The following FSIP2 variants were observed in gnomAD, a reference collection of about 807,000 sequenced individuals.
The protein encoded by FSIP2 is fibrous sheath-interacting protein 2.
In FSIP2, 367 loss-of-function variants were observed where a neutral mutation model predicts 510.5. The ratio of observed to expected loss-of-function variants is 0.72; its 90% CI spans 0.66 to 0.78. The LOEUF (loss-of-function observed/expected upper bound fraction) is 0.78, where lower values mean the gene tolerates loss of function less well. FSIP2 is among the 30% of genes least tolerant of loss of function. FSIP2 has a pLI of 0.00. For synonymous variants in FSIP2, 2,601 were observed against 2,732.2 expected (o/e 0.95, Z 1.50); for missense variants, 7,594 against 7,901.7 (o/e 0.96, Z 1.48).
chr2:185,766,211 A>T (rs1692473662), intron 13 of FSIP2: 1 of 151,734 alleles, frequency 6.6e-6, no homozygotes, highest in Non-Finnish European at 1.5e-5. Flanking sequence ...AACCATAAAA[A>T]CCCTAGAAGA....
chr2:185,745,207 T>G, intron 4 of FSIP2: 1 of 303,400 alleles, frequency 3.3e-6, no homozygotes, highest in Non-Finnish European at 5.9e-6. Context: ...TTTATTTAAC[T>G]TATTTAGAAT....
chr2:185,788,476 T>C (rs1693039846), intron 15 of FSIP2, among the ~76,000 whole-genome samples, 167 bp from the exon 16 acceptor site: 1 of 151,760 alleles, frequency 6.6e-6, no homozygotes, highest in African/African-American at 2.4e-5. Flanking sequence ...AAATTCATCT[T>C]AAATTCTAAA....
chr2:185,768,251 CA>C (rs1465429893), intron 13 of FSIP2, among the ~76,000 whole-genome samples: 1 of 152,008 alleles, frequency 6.6e-6, no homozygotes, highest in Non-Finnish European at 1.5e-5. Context: ...TACAGCAATG[CA>C]AAAACTTTTT....
At position 185,800,110 on chromosome 2, in the gene FSIP2, G is replaced by A. The variant is rs756938240; in HGVS notation, c.10804G>A (p.Asp3602Asn). 1.0e-4 allele frequency: 154 copies of A among 1,533,828 alleles called. No homozygotes were observed. The highest frequency in any genetic ancestry group is 1.3e-4 in the Non-Finnish European group (152 of 1,145,542). ...AGGAATAGTTTCTGGTGGCTTTGAT[G>A]ACCTCTTTCAGGATCTCTTAGTAGG... ...CPGIVSGGFD[D>N]LFQDLLVGVI... is the part of the protein sequence containing the mutation. Residue 3602 changes from aspartate (D) to asparagine (N), a missense_variant, in exon 17 of 23, where the codon GAC (aspartate) becomes AAC (asparagine). Physicochemically the swap from Asp to Asn is conservative, Grantham distance 23. Coordinates refer to ENST00000424728, the MANE Select transcript of FSIP2 (RefSeq NM_173651.4).
In FSIP2 at chr2:185,789,674, A is replaced by G; in HGVS notation, c.2538A>G (p.Lys846=). The G allele has an allele frequency of 6.5e-7, 1 of 1,534,070 alleles. No homozygotes were observed. The highest frequency in any genetic ancestry group is 8.7e-7 in the Non-Finnish European group (1 of 1,145,672). The change falls in exon 16 of 23, where the codon AAA becomes AAG. Residue 846 remains lysine (K), a synonymous_variant. Coordinates refer to ENST00000424728, the MANE Select transcript of FSIP2 (RefSeq NM_173651.4). Reference sequence around the variant, plus strand: ...AGCAAAATGAATTTCTTCATCTTAAAGACACAAATAAGCTTTCCTGCCAGC... The same window carrying G: ...AGCAAAATGAATTTCTTCATCTTAAGGACACAAATAAGCTTTCCTGCCAGC... The part of the protein sequence containing the change: ...SFKQNEFLHL[K]DTNKLSCQQH...
intron 19 of FSIP2, among the ~76,000 whole-genome samples, chr2:185,821,256 C>T (rs2161034): frequency 0.54 from 82,543 of 151,506 alleles, 22,726 homozygotes; most frequent in South Asian, 0.64. Flanking sequence ...TTATGCTAAA[C>T]TATAGTGAAC....
At position 185,790,159 on chromosome 2, in the gene FSIP2, T is replaced by G. The variant is rs776233583; in HGVS notation, c.3023T>G (p.Ile1008Arg). The change falls in exon 16 of 23, where the codon ATA becomes AGA. Residue 1008 changes from isoleucine (I) to arginine (R), a missense_variant. By Grantham distance (97) the Ile-to-Arg change is moderately conservative. Transcript: ENST00000424728. ...TATTCTGATGATGAAAATGAGGAAA[T>G]AGACAATATTGTAAAAAATGTGCTT... ...VLYSDDENEE[I>R]DNIVKNVLDS... The G allele has an allele frequency of 6.5e-7, 1 of 1,532,210 alleles. No homozygotes were observed. The highest frequency in any genetic ancestry group is 1.4e-5 in the African/African-American group (1 of 72,764). 94.9% of individuals were successfully genotyped at this position (1,532,210 alleles called of 1,614,324 possible). A position where few individuals can be genotyped will look rare whatever the true frequency, so the allele number is the denominator to read the frequency against.
rs767346596 is a variant in FSIP2 at position 185,807,189 on chromosome 2, G to C, written c.17883G>C (p.Gln5961His). 1 of 1,602,098 alleles carries C rather than the reference G, an allele frequency of 6.2e-7. No homozygotes were observed. Among genetic ancestry groups the C allele is most frequent in the South Asian group, 1.1e-5 (1 of 88,248 alleles). ...SAVINEIFQR[Q>H]VNLIFCDEVS... is the part of the protein sequence containing the mutation. Reference sequence around the variant, plus strand: ...TGATAAATGAAATTTTCCAACGTCAGGTTAACTTGATATTTTGTGATGAGG... The same window carrying C: ...TGATAAATGAAATTTTCCAACGTCACGTTAACTTGATATTTTGTGATGAGG... Residue 5961 changes from glutamine (Q) to histidine (H), a missense_variant, in exon 17 of 23, where the codon CAG becomes CAC. Physicochemically the swap from Gln to His is conservative, Grantham distance 24. Coordinates refer to ENST00000424728, the MANE Select transcript of FSIP2 (RefSeq NM_173651.4).
At chr2:185,827,316 G>A (rs17230551) in intron 20 of FSIP2, among the ~76,000 whole-genome samples, 47,546 of 151,488 alleles carry the variant, frequency 0.31, 7,777 homozygotes, top group Middle Eastern at 0.4. Context: ...TATTGCTTGT[G>A]TTGGTTCTTG....
At position 185,819,641 on chromosome 2, in the gene FSIP2, A is replaced by AT. The variant is rs200310089; in HGVS notation, c.20426+4177dup. On this transcript the variant is annotated intron_variant, in intron 19 of 22. Coordinates refer to ENST00000424728, the MANE Select transcript of FSIP2 (RefSeq NM_173651.4). The stretch of plus-strand genomic sequence containing the variant: ...CAGCTTAATGAAAATTTGACTTACA[A>AT]TTTTTTTAACTTTATGACAGTGTGA... Among the ~76,000 whole-genome samples the AT allele has an allele frequency of 8.7e-3, 1,315 of 151,930 alleles. 19 individuals carry two copies. Among genetic ancestry groups the AT allele is most frequent in the African/African-American group, 0.029 (1,224 of 41,500 alleles).
chr2:185,773,287 C>T (rs1388281971), intron 13 of FSIP2, among the ~76,000 whole-genome samples: 1 of 152,168 alleles, frequency 6.6e-6, no homozygotes, highest in Non-Finnish European at 1.5e-5. Context: ...TCTTGGTCAG[C>T]ACTATTTTTC....
At position 185,806,019 on chromosome 2, in the gene FSIP2, T is replaced by C. The variant is rs1456394891; in HGVS notation, c.16713T>C (p.Ile5571=). 5.1e-6 allele frequency: 8 copies of C among 1,555,630 alleles called. No homozygotes were observed. In the Admixed American group the frequency reaches 1.2e-4, roughly 24 times the overall value. Residue 5571 remains isoleucine, a synonymous_variant, in exon 17 of 23, where the codon ATT becomes ATC. Transcript: ENST00000424728. The part of the protein sequence containing the change: ...NNEIEKKRNL[I]PTDKKGKDDE... The stretch of plus-strand genomic sequence containing the variant: ...AAATTGAGAAGAAAAGAAATTTAAT[T>C]CCAACAGATAAAAAAGGGAAAGATG...
Position 185,746,585 on chromosome 2 carries a change from G to A in FSIP2, c.618-84G>A. On this transcript the variant is annotated intron_variant, in intron 5 of 22. Coordinates refer to ENST00000424728, the MANE Select transcript of FSIP2 (RefSeq NM_173651.4). Reference sequence around the variant, plus strand: ...CAAGAAATGAAAGGCAAGCAAGGAAGTGGTTTGGGAATGGCATAGCAGATG... The same window carrying A: ...CAAGAAATGAAAGGCAAGCAAGGAAATGGTTTGGGAATGGCATAGCAGATG... 5 of 1,010,244 alleles carry A rather than the reference G, an allele frequency of 4.9e-6. No homozygotes were observed. The South Asian group carries it at 8.7e-5, about 17-fold the overall frequency. The allele number at this position is 1,010,244 out of a possible 1,614,324, so 62.6% of individuals were successfully genotyped here.
At chr2:185,833,015 A>G (rs1015760158) in intron 22 of FSIP2, 75 bp from the exon 23 acceptor site, 4 of 1,356,042 alleles carry the variant, frequency 2.9e-6, no homozygotes, top group Non-Finnish European at 4.2e-6. Flanking sequence ...TTTTACTCAT[A>G]TGACCTTAGG....
upstream of FSIP2, among the ~76,000 whole-genome samples, chr2:185,737,525 G>A (rs544709281): frequency 2.6e-5 from 4 of 152,260 alleles, no homozygotes; most frequent in African/African-American, 9.6e-5. Context: ...GATAGAATCG[G>A]GCAAATTAAT....
rs2105636578 is a variant in FSIP2 at position 185,800,256 on chromosome 2, A to G, written c.10950A>G (p.Arg3650=). 6.5e-7 allele frequency: 1 copy of G among 1,533,054 alleles called. No individual in the cohort carries two copies. Among genetic ancestry groups the G allele is most frequent in the African/African-American group, 1.4e-5 (1 of 72,884 alleles). The allele number at this position is 1,533,054 out of a possible 1,614,324, so 95.0% of individuals were successfully genotyped here. ...TACCCCTTTGCAACAAAATCAATAGACAGGCAAGCCCCAGAGACTGGCAAT... is the reference window on the plus strand; with the variant it reads ...TACCCCTTTGCAACAAAATCAATAGGCAGGCAAGCCCCAGAGACTGGCAAT... ...NSVPLCNKIN[R]QASPRDWQFS... Residue 3650 remains arginine, a synonymous_variant, in exon 17 of 23, where the codon AGA becomes AGG. Coordinates refer to ENST00000424728, the MANE Select transcript of FSIP2 (RefSeq NM_173651.4).
rs1344951105 is a variant in FSIP2, at chr2:185,790,040, CAAAGA to C, written c.2909_2913del (p.Glu970ValfsTer7). On this transcript the variant is annotated frameshift_variant, in exon 16 of 23. Coordinates refer to ENST00000424728, the MANE Select transcript of FSIP2 (RefSeq NM_173651.4). LOFTEE classifies it high-confidence loss of function. ...CTAGAATAAGTAGTCCTTCTGACAC[CAAAGA>C]AAAGTACAGACTCACTGGCACTAGA... 1 of 1,533,198 alleles carries C rather than the reference CAAAGA, an allele frequency of 6.5e-7. No individual in the cohort carries two copies. The highest frequency in any genetic ancestry group is 2.5e-5 in the East Asian group (1 of 40,806). 95.0% of individuals were successfully genotyped at this position (1,533,198 alleles called of 1,614,324 possible).
At chr2:185,762,895 G>A (rs925819158) in intron 11 of FSIP2, among the ~76,000 whole-genome samples, 3 of 151,418 alleles carry the variant, frequency 2.0e-5, no homozygotes, top group African/African-American at 7.3e-5. Flanking sequence ...CTAGCGGTAG[G>A]CTGTGGTTAT....
chr2:185,817,925 T>C (rs1574205765), intron 19 of FSIP2, among the ~76,000 whole-genome samples: 1 of 152,008 alleles, frequency 6.6e-6, no homozygotes, highest in Non-Finnish European at 1.5e-5. Flanking sequence ...TTTGGTAGCA[T>C]ATTAGGGCAA....
Sources: gnomAD v4.1 joint callset for allele counts (sites outside exome capture counted in the v4.1 genomes callset) on GRCh38, gnomAD v4.1.1 for gene constraint, MANE v1.5 for transcripts, NCBI Gene and HGNC (gene_info 2026-07-23, HGNC 2026-07-21) for gene names.